DHX15: variants seen among roughly 807,000 people sequenced by gnomAD.
DHX15 encodes DEAH-box helicase 15, also known as ATP-dependent RNA helicase DHX15.
DHX15 carries 11 observed loss-of-function variants against 94.4 expected under a neutral mutation model. The ratio of observed to expected loss-of-function variants is 0.12; its 90% CI spans 0.07 to 0.19. The LOEUF is 0.19. DHX15 is among the 10% of genes least tolerant of loss of function. The probability of loss-of-function intolerance (pLI) is 1.00; values close to 1 mark genes in which losing one functional copy is unlikely to be tolerated. For synonymous variants in DHX15, 338 were observed against 329.9 expected (o/e 1.02, Z -0.27); for missense variants, 304 against 988.5 (o/e 0.31, Z 9.29).
chr4:24,540,703 G>T (rs1721291726), intron 9 of DHX15, 137 bp downstream of exon 9: 3 of 516,926 alleles, frequency 5.8e-6, no homozygotes, highest in Middle Eastern at 5.1e-4. Flanking sequence ...ATGCTATCAT[G>T]TAAGACTTAA....
chr4:24,547,990 T>C (rs1336903736), intron 6 of DHX15, among the ~76,000 whole-genome samples: 3 of 146,636 alleles, frequency 2.0e-5, no homozygotes, highest in Non-Finnish European at 4.5e-5. Context: ...ATATATCTGC[T>C]GATGGGGAAT....
intron 3 of DHX15, among the ~76,000 whole-genome samples, chr4:24,560,362 C>T (rs918484012): frequency 4.6e-5 from 7 of 152,044 alleles, no homozygotes; most frequent in African/African-American, 7.2e-5. Context: ...AAAATTCCAG[C>T]TTGGTTAAAT....
At chr4:24,531,187 T>C (rs1429264494) in intron 12 of DHX15, among the ~76,000 whole-genome samples, 1 of 151,966 alleles carries the variant, frequency 6.6e-6, no homozygotes, top group Non-Finnish European at 1.5e-5. Context: ...CTCCCAGGTT[T>C]ACGCCGTTCT....
At chr4:24,558,948 C>T (rs941766865) in intron 3 of DHX15, among the ~76,000 whole-genome samples, 2 of 152,072 alleles carry the variant, frequency 1.3e-5, no homozygotes, top group South Asian at 2.1e-4. Flanking sequence ...ACCCATTGTA[C>T]GTACAAATTT....
rs375297641 is a variant in DHX15 at position 24,540,539 on chromosome 4, A to G, written c.1595-240T>C. Among the ~76,000 whole-genome samples, 6 of 152,152 alleles carry G rather than the reference A, an allele frequency of 3.9e-5. 1 individual carries two copies. Among genetic ancestry groups the G allele is most frequent in the African/African-American group, 1.4e-4 (6 of 41,552 alleles). ...ACATTAAATAATTGCTAATTCATCA[A>G]TGTGTTTATCAAACTGTTTTTCCCC... On this transcript the variant is annotated intron_variant, in intron 9 of 13. Coordinates refer to ENST00000336812, the MANE Select transcript of DHX15 (RefSeq NM_001358.3).
chr4:24,555,415 A>G (rs1721708398), intron 4 of DHX15, among the ~76,000 whole-genome samples: 2 of 152,194 alleles, frequency 1.3e-5, no homozygotes, highest in African/African-American at 4.8e-5. Flanking sequence ...TGGTAGCACA[A>G]TAAATTTAAT....
chr4:24,540,644 AAG>A, intron 9 of DHX15, among the ~76,000 whole-genome samples, 194 bp downstream of exon 9: 1 of 119,262 alleles, frequency 8.4e-6, no homozygotes, highest in Non-Finnish European at 2.0e-5. Context: ...ATAACTTTTG[AAG>A]AAAAAAAAAA....
chr4:24,534,870 C>T (rs1245111531), intron 11 of DHX15, among the ~76,000 whole-genome samples: 1 of 151,270 alleles, frequency 6.6e-6, no homozygotes, highest in Non-Finnish European at 1.5e-5. Context: ...AAAAAGCTTT[C>T]GTGAAAATAT....
rs947497131 is a variant in DHX15, at chr4:24,555,681, C to T, written c.861+570G>A. ...CAATGAATAGTATACACACACAACA[C>T]AGCAAAAAGGGGAACATCATAGACT... On this transcript the variant is annotated intron_variant, in intron 4 of 13. Coordinates refer to ENST00000336812, the MANE Select transcript of DHX15 (RefSeq NM_001358.3). 2.4e-4 allele frequency among the ~76,000 whole-genome samples: 37 copies of T among 152,048 alleles called. 2 individuals are homozygous for T. Among genetic ancestry groups the T allele is most frequent in the Non-Finnish European group, 2.9e-5 (2 of 67,988 alleles).
At chr4:24,570,592 T>C in intron 3 of DHX15, 62 bp downstream of exon 3, 2 of 1,516,392 alleles carry the variant, frequency 1.3e-6, no homozygotes, top group Non-Finnish European at 1.8e-6. Context: ...CAAAGTCTTC[T>C]ATCTAATAGC....
rs567187432 is a variant in DHX15, at chr4:24,582,168, T to C, written c.71+2155A>G. On this transcript the variant is annotated intron_variant, in intron 1 of 13. Transcript: ENST00000336812. ...AGGCCGATAAACACCTTAAGTCCAC[T>C]GTTAAATAAAACCAGTTCAAGGATA... Among the ~76,000 whole-genome samples the C allele has an allele frequency of 5.8e-4, 89 of 152,342 alleles. 1 individual carries two copies. The highest frequency in any genetic ancestry group is 1.9e-3 in the African/African-American group (79 of 41,582).
At chr4:24,570,892 T>C in intron 2 of DHX15, 45 bp from the exon 3 acceptor site, 1 of 1,581,150 alleles carries the variant, frequency 6.3e-7, no homozygotes, top group South Asian at 1.1e-5. Context: ...TCTGCCTGCA[T>C]ATCAAGTATA....
rs1349825990 is a variant in DHX15, at chr4:24,537,064, A to G, written c.1896T>C (p.His632=). 1 of 1,613,570 alleles carries G rather than the reference A, an allele frequency of 6.2e-7. No individual in the cohort carries two copies. Among genetic ancestry groups the G allele is most frequent in the Non-Finnish European group, 8.5e-7 (1 of 1,179,760 alleles). ...GDHLTLLNVY[H]AFKQNHESVQ... is the part of the protein sequence containing the mutation. ...ATTTACACTTACTTTGTTTAAAAGCATGGTAGACGTTCAGCAGTGTCAGAT... is the reference window on the plus strand; with the variant it reads ...ATTTACACTTACTTTGTTTAAAAGCGTGGTAGACGTTCAGCAGTGTCAGAT... Residue 632 remains histidine (H), a synonymous_variant, in exon 11 of 14, where the codon CAT becomes CAC. Transcript: ENST00000336812. The surrounding 1 kb of genome is among the most constrained non-coding windows in gnomAD (Gnocchi z 4.7).
chr4:24,542,050 C>A, intron 7 of DHX15, 28 bp from the exon 8 acceptor site: 1 of 1,549,904 alleles, frequency 6.5e-7, no homozygotes, highest in Non-Finnish European at 8.8e-7. Context: ...ACACAAGAGT[C>A]TTTCTTCAGT....
intron 6 of DHX15, among the ~76,000 whole-genome samples, chr4:24,546,312 A>G (rs1721423038): frequency 1.3e-5 from 2 of 152,242 alleles, no homozygotes; most frequent in African/African-American, 4.8e-5. Context: ...TATGCTCTGA[A>G]CCATATTAAT....
intron 2 of DHX15, among the ~76,000 whole-genome samples, chr4:24,575,558 GCT>G (rs1256344773): frequency 6.6e-6 from 1 of 152,102 alleles, no homozygotes; most frequent in Non-Finnish European, 1.5e-5. Flanking sequence ...TCTCCTACAT[GCT>G]CATGGAAAGG....
At chr4:24,582,190 G>A (rs1422450840) in intron 1 of DHX15, among the ~76,000 whole-genome samples, 1 of 152,120 alleles carries the variant, frequency 6.6e-6, no homozygotes, top group Non-Finnish European at 1.5e-5. Flanking sequence ...CCAGTTCAAG[G>A]ATAAATGGCA....
rs1721220560 is a variant in DHX15 at position 24,537,490 on chromosome 4, A to C, written c.1787-317T>G. On this transcript the variant is annotated intron_variant, in intron 10 of 13. Transcript: ENST00000336812. This position sits in a 1 kb window ranked among gnomAD's most constrained non-coding sequence, Gnocchi z 4.7. ...CTTATTTAAAAAAACCAGTGCTGATAGCTCTACCAATAACCAGAATAACGG... is the reference window on the plus strand; with the variant it reads ...CTTATTTAAAAAAACCAGTGCTGATCGCTCTACCAATAACCAGAATAACGG... The C allele has an allele frequency of 5.1e-6, 1 of 197,548 alleles. No individual in the cohort carries two copies. Among genetic ancestry groups the C allele is most frequent in the African/African-American group, 2.3e-5 (1 of 43,012 alleles). The allele number at this position is 197,548 out of a possible 1,614,324, so 12.2% of individuals were successfully genotyped here.
chr4:24,535,589 A>T (rs1343777435), intron 11 of DHX15, among the ~76,000 whole-genome samples: 3 of 152,086 alleles, frequency 2.0e-5, no homozygotes, highest in Non-Finnish European at 4.4e-5. Context: ...ATTTCCCTTA[A>T]CTCTCATATC....
Sources: allele counts gnomAD v4.1 joint callset (sites outside exome capture counted in the v4.1 genomes callset), GRCh38; gene constraint gnomAD v4.1.1; non-coding constraint Gnocchi (gnomAD v3.1); transcripts MANE v1.5; gene names NCBI Gene and HGNC (gene_info 2026-07-23, HGNC 2026-07-21).